DLG2: variants seen among roughly 807,000 people sequenced by gnomAD.
The protein encoded by DLG2 is discs large MAGUK scaffold protein 2.
A neutral mutation model predicts 132.5 loss-of-function variants in DLG2; 45 were observed. That is an observed-to-expected ratio of 0.34 (90% CI 0.27 to 0.44). The LOEUF (loss-of-function observed/expected upper bound fraction) is 0.44. DLG2 is among the 20% of genes least tolerant of loss of function. The pLI is 1.00. For missense variants in DLG2, 1,045 were observed against 1,196.9 expected, an observed-to-expected ratio of 0.87 and a Z score of 1.87; for synonymous variants, 424 against 419.6, an observed-to-expected ratio of 1.01 and a Z score of -0.13.
At chr11:85,554,864 G>C (rs536038800) in intron 3 of DLG2, among the ~76,000 whole-genome samples, 37 of 151,576 alleles carry the variant, frequency 2.4e-4, no homozygotes, top group African/African-American at 8.9e-4. Flanking sequence ...ACTCTACCTG[G>C]ACCTGTGAAT....
chr11:85,475,967 A>G (rs1462544771), intron 3 of DLG2, among the ~76,000 whole-genome samples: 1 of 152,180 alleles, frequency 6.6e-6, no homozygotes, highest in Non-Finnish European at 1.5e-5. Context: ...GAAAGTATCT[A>G]CTAACAAACA....
intron 20 of DLG2, among the ~76,000 whole-genome samples, chr11:83,539,689 C>A (rs891681805): frequency 1.1e-4 from 17 of 151,482 alleles, no homozygotes; most frequent in African/African-American, 4.1e-4. Context: ...AGCTACTGCA[C>A]CCTTCATAAA....
At chr11:84,156,166 A>G in intron 9 of DLG2, among the ~76,000 whole-genome samples, 1 of 152,090 alleles carries the variant, frequency 6.6e-6, no homozygotes, top group Non-Finnish European at 1.5e-5. Context: ...TAATTCCACA[A>G]ATTCCTTTTA....
chr11:84,234,309 A>C (rs537350474), intron 8 of DLG2, among the ~76,000 whole-genome samples: 2 of 152,198 alleles, frequency 1.3e-5, no homozygotes, highest in East Asian at 3.9e-4. Flanking sequence ...CTTTTTAATA[A>C]ACTTTCACTC....
intron 14 of DLG2, among the ~76,000 whole-genome samples, chr11:83,930,951 G>C (rs1175297266): frequency 6.6e-6 from 1 of 152,194 alleles, no homozygotes; most frequent in Non-Finnish European, 1.5e-5. Context: ...ATAATATGGA[G>C]TGGCACTATA....
At chr11:85,548,365 C>T (rs1004248686) in intron 3 of DLG2, among the ~76,000 whole-genome samples, 2 of 152,178 alleles carry the variant, frequency 1.3e-5, no homozygotes, top group African/African-American at 2.4e-5. Flanking sequence ...CTGGAAGTTT[C>T]GTCCCAGAGG....
At chr11:84,085,372 G>T (rs1184418800) in intron 10 of DLG2, among the ~76,000 whole-genome samples, 1 of 152,094 alleles carries the variant, frequency 6.6e-6, no homozygotes, top group Admixed American at 6.5e-5. Context: ...GAGACTATTA[G>T]AAATAAATAA....
At chr11:84,758,852 C>A (rs1321586056) in intron 6 of DLG2, among the ~76,000 whole-genome samples, 1 of 152,040 alleles carries the variant, frequency 6.6e-6, no homozygotes, top group Non-Finnish European at 1.5e-5. Context: ...AATACACAAG[C>A]AATTAATTAA....
chr11:84,504,700 G>A (rs1332031751), intron 7 of DLG2, among the ~76,000 whole-genome samples: 1 of 151,702 alleles, frequency 6.6e-6, no homozygotes, highest in Non-Finnish European at 1.5e-5. Context: ...ACCTTCATGT[G>A]GCACCAGTGC....
intron 19 of DLG2, among the ~76,000 whole-genome samples, chr11:83,596,599 A>G (rs1260044254): frequency 6.6e-6 from 1 of 152,152 alleles, no homozygotes; most frequent in Admixed American, 6.5e-5. Context: ...ATATGTCTAC[A>G]TCACTCCTCT....
intron 6 of DLG2, among the ~76,000 whole-genome samples, chr11:84,944,126 G>A (rs1441089610): frequency 1.3e-5 from 2 of 151,988 alleles, no homozygotes; most frequent in Non-Finnish European, 2.9e-5. Flanking sequence ...TATGTTATTT[G>A]TTTCTTTTCT....
chr11:84,250,565 C>G (rs1342761892), intron 8 of DLG2, among the ~76,000 whole-genome samples: 1 of 152,204 alleles, frequency 6.6e-6, no homozygotes, highest in Admixed American at 6.5e-5. Context: ...AGCGCCCACT[C>G]ACAAAGCCTT....
At chr11:84,839,108 C>T (rs1566106226) in intron 6 of DLG2, among the ~76,000 whole-genome samples, 3 of 152,008 alleles carry the variant, frequency 2.0e-5, no homozygotes, top group Non-Finnish European at 4.4e-5. Flanking sequence ...CGTCTCAGCC[C>T]AAAATCTCCT....
intron 19 of DLG2, among the ~76,000 whole-genome samples, chr11:83,602,150 A>G (rs940222285): frequency 2.0e-5 from 3 of 152,238 alleles, no homozygotes; most frequent in African/African-American, 7.2e-5. Context: ...TCTGGAAATG[A>G]GCGAGTCTTT....
intron 11 of DLG2, among the ~76,000 whole-genome samples, chr11:84,054,875 G>T (rs1037204402): frequency 6.6e-6 from 1 of 151,744 alleles, no homozygotes; most frequent in African/African-American, 2.4e-5. Flanking sequence ...TCCCCAAACT[G>T]AAAACATTCT....
intron 7 of DLG2, among the ~76,000 whole-genome samples, chr11:84,371,981 A>C (rs1042949824): frequency 1.2e-4 from 19 of 152,192 alleles, no homozygotes; most frequent in African/African-American, 4.6e-4. Context: ...AAAAAATTGC[A>C]TGTTCAGATC....
At chr11:84,713,752 A>G (rs1175400771) in intron 6 of DLG2, among the ~76,000 whole-genome samples, 1 of 152,154 alleles carries the variant, frequency 6.6e-6, no homozygotes, top group Non-Finnish European at 1.5e-5. Context: ...ATCTTAAATT[A>G]TTTTTTAAAA....
chr11:83,588,327 CT>C (rs547789720), intron 19 of DLG2, among the ~76,000 whole-genome samples: 2,931 of 146,720 alleles, frequency 0.02, 117 homozygotes, highest in African/African-American at 0.076. Context: ...TCTCTGACCC[CT>C]GACCCCCGAG....
At chr11:84,834,002 G>T (rs935931773) in intron 6 of DLG2, among the ~76,000 whole-genome samples, 6 of 151,630 alleles carry the variant, frequency 4.0e-5, no homozygotes, top group Non-Finnish European at 5.9e-5. Context: ...ACAAAATAGA[G>T]TAGGCACAAG....
Sources: gnomAD v4.1 joint callset for allele counts (sites outside exome capture counted in the v4.1 genomes callset) on GRCh38, gnomAD v4.1.1 for gene constraint, MANE v1.5 for transcripts, NCBI Gene and HGNC (gene_info 2026-07-23, HGNC 2026-07-21) for gene names.